DNMT1: variants seen among roughly 807,000 people sequenced by gnomAD.
DNMT1 encodes DNA methyltransferase 1.
Under a neutral mutation model 205.3 loss-of-function variants are expected in DNMT1, and 24 were observed. The ratio of observed to expected loss-of-function variants is 0.12; its 90% CI spans 0.08 to 0.16. DNMT1 has a LOEUF of 0.16. DNMT1 is among the 10% of genes least tolerant of loss of function. The probability of loss-of-function intolerance (pLI) is 1.00; values close to 1 mark genes in which losing one functional copy is unlikely to be tolerated. For missense variants in DNMT1, 1,293 were observed against 2,177.7 expected (o/e 0.59, Z 8.09); for synonymous variants, 817 against 839.8 (o/e 0.97, Z 0.47).
At chr19:10,135,416 G>T (rs2089457884) in intron 39 of DNMT1, 1 of 420,380 alleles carries the variant, frequency 2.4e-6, no homozygotes, top group African/African-American at 2.0e-5. Flanking sequence ...TAGGAATTAA[G>T]GTGCTAGTTC....
At chr19:10,148,649 T>C (rs1279621478) in intron 27 of DNMT1, among the ~76,000 whole-genome samples, 1 of 152,184 alleles carries the variant, frequency 6.6e-6, no homozygotes, top group East Asian at 1.9e-4. Flanking sequence ...AGACGAACCC[T>C]GTTCCTGGGT....
In DNMT1 at chr19:10,140,674, G is replaced by A. The variant is rs980501968; in HGVS notation, c.3523+107C>T. ...TGCGCCACCGTGCCTGGCCTCGGAA[G>A]GAGATTCTTGAGTCAGGAAGGTGAC... On this transcript the variant is annotated intron_variant, in intron 32 of 40. Coordinates refer to ENST00000359526, the MANE Select transcript of DNMT1 (RefSeq NM_001130823.3). The surrounding 1 kb of genome is among the most constrained non-coding windows in gnomAD (Gnocchi z 8.4). The A allele has an allele frequency of 1.6e-5, 26 of 1,594,288 alleles. No individual in the cohort carries two copies. In the African/African-American group the frequency reaches 3.2e-4, roughly 20 times the overall value.
intron 1 of DNMT1, among the ~76,000 whole-genome samples, chr19:10,186,929 G>T (rs779450224): frequency 1.3e-5 from 2 of 151,798 alleles, no homozygotes; most frequent in African/African-American, 2.4e-5. Context: ...CAAGAGAAAG[G>T]GTATAACAGC....
At chr19:10,152,964 A>T (rs62106239) in intron 22 of DNMT1, among the ~76,000 whole-genome samples, 211 of 151,804 alleles carry the variant, frequency 1.4e-3, no homozygotes, top group Non-Finnish European at 2.2e-3. Flanking sequence ...GCAATATTCA[A>T]CCTCATTAGA....
chr19:10,170,883 TC>T (rs2038802956), intron 9 of DNMT1, among the ~76,000 whole-genome samples: 1 of 152,132 alleles, frequency 6.6e-6, no homozygotes, highest in Non-Finnish European at 1.5e-5. Context: ...ATCCTCAGCC[TC>T]CTGAGCTCAA....
chr19:10,191,773 T>C (rs186051446), intron 1 of DNMT1, among the ~76,000 whole-genome samples: 22 of 152,080 alleles, frequency 1.4e-4, no homozygotes, highest in African/African-American at 2.7e-4. Context: ...ACGCAGAGGA[T>C]TGCTTCAGTC....
rs1385218600 is a variant in DNMT1, at chr19:10,154,871, G to A, written c.1644+34C>T. On this transcript the variant is annotated intron_variant, in intron 20 of 40. Coordinates refer to ENST00000359526, the MANE Select transcript of DNMT1 (RefSeq NM_001130823.3). The surrounding 1 kb of genome is among the most constrained non-coding windows in gnomAD (Gnocchi z 6.3). ...GGTTCTGAAGGCAAGTTTCCAGTGG[G>A]AATCCCGGATGCTGAGGACCCTCGA... The A allele has an allele frequency of 1.4e-5, 22 of 1,614,192 alleles. No individual in the cohort carries two copies. Among genetic ancestry groups the A allele is most frequent in the Non-Finnish European group, 1.8e-5 (21 of 1,180,042 alleles).
At chr19:10,185,286 G>A (rs910040144) in intron 1 of DNMT1, among the ~76,000 whole-genome samples, 32 of 152,142 alleles carry the variant, frequency 2.1e-4, no homozygotes, top group South Asian at 1.0e-3. Flanking sequence ...TTAGCCAGGC[G>A]TGGTGGTGGG....
Position 10,194,864 on chromosome 19 carries a change from T to C in DNMT1, c.36A>G (p.Thr12=), listed in dbSNP as rs770898949. ...PARTAPARVP[T]LAVPAISLPD... The stretch of plus-strand genomic sequence containing the variant: ...GCAGCGAGATGGCCGGGACGGCCAG[T>C]GTGGGCACCCGGGCTGGGGCGGTAC... Residue 12 remains threonine (T), a synonymous_variant, in exon 1 of 41, where the codon ACA becomes ACG. Coordinates refer to ENST00000359526, the MANE Select transcript of DNMT1 (RefSeq NM_001130823.3). 3.7e-6 allele frequency: 6 copies of C among 1,609,760 alleles called. No individual in the cohort carries two copies. Among genetic ancestry groups the C allele is most frequent in the Non-Finnish European group, 5.1e-6 (6 of 1,178,486 alleles).
intron 7 of DNMT1, among the ~76,000 whole-genome samples, chr19:10,175,145 T>C (rs1203755951): frequency 6.6e-6 from 1 of 151,108 alleles, no homozygotes. Context: ...ATAACATGTA[T>C]GTATGTAAGA....
chr19:10,182,449 ATGTGTATATATATG>A lies in DNMT1; in HGVS notation c.81-386_81-373del, dbSNP rs1347747943. ...TATGTGTGTATATATATACATATAT[ATGTGTATATATATG>A]TGTGTATATATATACATATATATGT... On this transcript the variant is annotated intron_variant, in intron 1 of 40. Transcript: ENST00000359526. Among the ~76,000 whole-genome samples the A allele has an allele frequency of 5.6e-5, 7 of 125,076 alleles. No homozygotes were observed. In the South Asian group the frequency reaches 1.2e-3, roughly 21 times the overall value. The allele number at this position is 125,076 out of a possible 152,430, so 82.1% of individuals were successfully genotyped here.
Position 10,142,229 on chromosome 19 carries a change from G to C in DNMT1, c.3117-9C>G. 3 of 1,613,846 alleles carry C rather than the reference G, an allele frequency of 1.9e-6. No homozygotes were observed. The highest frequency in any genetic ancestry group is 2.5e-6 in the Non-Finnish European group (3 of 1,180,014). On this transcript the variant is annotated splice_polypyrimidine_tract_variant and intron_variant, in intron 29 of 40. Coordinates refer to ENST00000359526, the MANE Select transcript of DNMT1 (RefSeq NM_001130823.3). ...TGTGGGTGTTCTCAGGCCTGCGAGC[G>C]GGAGAGGCCTCGTTAGGAGCTCTCC...
At position 10,180,781 on chromosome 19, in the gene DNMT1, G is replaced by A. The variant is rs760911134; in HGVS notation, c.222C>T (p.Ser74=). 9.9e-6 allele frequency: 16 copies of A among 1,613,578 alleles called. No individual in the cohort carries two copies. Among genetic ancestry groups the A allele is most frequent in the African/African-American group, 1.3e-5 (1 of 74,860 alleles). ...LETKLRKEEL[S]EEGYLAKVKS... is the part of the protein sequence containing the mutation. ...AGGATGCTGAGAACTGACTTACCTC[G>A]GATAATTCTTCTTTACGTAATTTGG... The change falls in exon 3 of 41, where the codon TCC becomes TCT. Residue 74 remains serine, a synonymous_variant. Transcript: ENST00000359526.
chr19:10,149,993 G>A (rs752202082), intron 24 of DNMT1, 25 bp from the exon 25 acceptor site: 56 of 1,602,932 alleles, frequency 3.5e-5, no homozygotes, highest in Non-Finnish European at 4.6e-5. Context: ...ATAAGTTCAT[G>A]GAGGATCATT....
chr19:10,156,705 C>G lies in DNMT1; in HGVS notation c.1281-196G>C, dbSNP rs1425679434. The stretch of plus-strand genomic sequence containing the variant: ...TAATCTTGGCTCACTGCAGCCTCCA[C>G]CTCCCGGGTTCAAGTAATTCTCCTG... On this transcript the variant is annotated intron_variant, in intron 17 of 40. Transcript: ENST00000359526. The surrounding 1 kb of genome is among the most constrained non-coding windows in gnomAD (Gnocchi z 4.2). Among the ~76,000 whole-genome samples, 1 of 152,130 alleles carries G rather than the reference C, an allele frequency of 6.6e-6. No individual in the cohort carries two copies. The highest frequency in any genetic ancestry group is 2.4e-5 in the African/African-American group (1 of 41,416).
intron 1 of DNMT1, among the ~76,000 whole-genome samples, chr19:10,183,075 G>T (rs1205879336): frequency 8.2e-6 from 1 of 122,152 alleles, no homozygotes. Flanking sequence ...GTATACATAT[G>T]TGTGTGTATA....
chr19:10,173,759 T>G, intron 8 of DNMT1, 112 bp downstream of exon 8: 19 of 1,196,046 alleles, frequency 1.6e-5, no homozygotes, highest in Non-Finnish European at 2.4e-5. Flanking sequence ...CCCAAAGTGC[T>G]GAGATTACAG....
intron 1 of DNMT1, among the ~76,000 whole-genome samples, chr19:10,183,875 CAAAAT>C (rs535003569): frequency 8.6e-5 from 13 of 151,724 alleles, no homozygotes; most frequent in South Asian, 2.1e-4. Flanking sequence ...AACTCTGTCT[CAAAAT>C]AAAATAAAAT....
chr19:10,166,622 G>C lies in DNMT1; in HGVS notation c.867C>G (p.Asp289Glu), dbSNP rs750916721. ...CTTTCTCGTCTCCATCTTCGTCCTC[G>C]TCAGCCTGCACGCCTGCCCTGGCTT... ...DREARAGVQADEDEDGDEKDE... is the reference protein window; with the variant it reads ...DREARAGVQAEEDEDGDEKDE... Residue 289 changes from aspartate to glutamate, a missense_variant, in exon 11 of 41, where the codon GAC becomes GAG. Asp to Glu is a conservative substitution (Grantham distance 45, BLOSUM62 2). Coordinates refer to ENST00000359526, the MANE Select transcript of DNMT1 (RefSeq NM_001130823.3). The C allele has an allele frequency of 1.9e-6, 3 of 1,614,008 alleles. No individual in the cohort carries two copies. In the East Asian group the frequency reaches 6.7e-5, roughly 36 times the overall value.
Sources: allele counts gnomAD v4.1 joint callset (sites outside exome capture counted in the v4.1 genomes callset), GRCh38; gene constraint gnomAD v4.1.1; non-coding constraint Gnocchi (gnomAD v3.1); transcripts MANE v1.5; gene names NCBI Gene and HGNC (gene_info 2026-07-23, HGNC 2026-07-21).